The following C1orf21 variants were observed in gnomAD, a reference collection of about 807,000 sequenced individuals.
C1orf21 encodes chromosome 1 open reading frame 21, also known as uncharacterized protein C1orf21.
In C1orf21, 3 loss-of-function variants were observed where a neutral mutation model predicts 18.7. The ratio of observed to expected loss-of-function variants is 0.16; its 90% CI spans 0.07 to 0.42. The LOEUF (loss-of-function observed/expected upper bound fraction) is 0.42. C1orf21 is among the 10% of genes least tolerant of loss of function. The pLI is 0.99. For synonymous variants in C1orf21, 41 were observed against 46.4 expected (o/e 0.88, Z 0.47); for missense variants, 104 against 143.6 (o/e 0.72, Z 1.41).
chr1:184,525,127 GA>G (rs941080998), intron 3 of C1orf21, among the ~76,000 whole-genome samples: 26 of 146,530 alleles, frequency 1.8e-4, no homozygotes, highest in Admixed American at 5.4e-4. Context: ...GGGATAAACA[GA>G]AAAAAAAAAC....
At chr1:184,405,733 C>T (rs1478533531) in intron 1 of C1orf21, among the ~76,000 whole-genome samples, 1 of 152,154 alleles carries the variant, frequency 6.6e-6, no homozygotes, top group Non-Finnish European at 1.5e-5. Context: ...TCTGTCTATT[C>T]CTCTTTAGAT....
chr1:184,427,143 A>G (rs1016045450), intron 1 of C1orf21, among the ~76,000 whole-genome samples: 26 of 152,168 alleles, frequency 1.7e-4, no homozygotes, highest in African/African-American at 6.0e-4. Flanking sequence ...CCCTAAGTGG[A>G]CCAGACTTCC....
chr1:184,598,533 A>G, intron 5 of C1orf21, 72 bp downstream of exon 5: 1 of 1,368,236 alleles, frequency 7.3e-7, no homozygotes, highest in Non-Finnish European at 1.0e-6. Context: ...GAGGGCAATA[A>G]CATTCTTGTT....
intron 1 of C1orf21, among the ~76,000 whole-genome samples, chr1:184,408,800 G>C (rs1288890073): frequency 6.6e-6 from 1 of 152,152 alleles, no homozygotes; most frequent in Non-Finnish European, 1.5e-5. Flanking sequence ...CCTTTGAAGA[G>C]GCAGTTGTGA....
chr1:184,586,815 T>C (rs188904328), intron 3 of C1orf21, among the ~76,000 whole-genome samples: 1 of 152,312 alleles, frequency 6.6e-6, no homozygotes, highest in East Asian at 1.9e-4. Context: ...TTTTTGCTCT[T>C]GTTGCAGTTG....
chr1:184,387,582 A>G lies in C1orf21; in HGVS notation c.-125+214A>G, dbSNP rs1338596852. On this transcript the variant is annotated intron_variant, in intron 1 of 5. Transcript: ENST00000235307. This position sits in a 1 kb window ranked among gnomAD's most constrained non-coding sequence, Gnocchi z 5.6. ...GGGGCTGGCGGGGTTGCTGCCAGGG[A>G]CGGAAGCTGGGGTGGGGGAGCCGCG... is the stretch of plus-strand genomic sequence containing the variant. Among the ~76,000 whole-genome samples, 2 of 150,170 alleles carry G rather than the reference A, an allele frequency of 1.3e-5. No homozygotes were observed. Among genetic ancestry groups the G allele is most frequent in the Admixed American group, 6.6e-5 (1 of 15,134 alleles).
chr1:184,513,223 A>G (rs576108145), intron 3 of C1orf21, among the ~76,000 whole-genome samples: 2 of 152,336 alleles, frequency 1.3e-5, no homozygotes, highest in East Asian at 3.9e-4. Context: ...AACCTAAGCA[A>G]AGGGAGGGAA....
chr1:184,517,562 A>AT (rs1658249108), intron 3 of C1orf21, among the ~76,000 whole-genome samples: 1 of 152,188 alleles, frequency 6.6e-6, no homozygotes. Flanking sequence ...AATAGGCAAA[A>AT]TGTCAAGCTA....
chr1:184,475,154 A>G (rs923388928), intron 1 of C1orf21, among the ~76,000 whole-genome samples: 4 of 152,134 alleles, frequency 2.6e-5, no homozygotes, highest in Non-Finnish European at 5.9e-5. Context: ...ATGTTTCTTC[A>G]AAAACTATGA....
At chr1:184,591,159 C>G (rs957631620) in intron 4 of C1orf21, among the ~76,000 whole-genome samples, 3 of 152,032 alleles carry the variant, frequency 2.0e-5, no homozygotes, top group Non-Finnish European at 2.9e-5. Context: ...GGAACCAATC[C>G]CCCACAGATA....
At chr1:184,477,716 T>G in intron 2 of C1orf21, 113 bp downstream of exon 2, 1 of 778,494 alleles carries the variant, frequency 1.3e-6, no homozygotes, top group Non-Finnish European at 2.1e-6. Context: ...TTTTGTTACA[T>G]GCCTAGAATG....
At chr1:184,609,838 C>A (rs1273851985) in intron 5 of C1orf21, among the ~76,000 whole-genome samples, 1 of 152,174 alleles carries the variant, frequency 6.6e-6, no homozygotes, top group Non-Finnish European at 1.5e-5. Flanking sequence ...AAATGTCATG[C>A]ATATGGACAA....
At chr1:184,585,394 A>C (rs924278768) in intron 3 of C1orf21, among the ~76,000 whole-genome samples, 2 of 152,228 alleles carry the variant, frequency 1.3e-5, no homozygotes, top group Admixed American at 6.5e-5. Flanking sequence ...TGCTGTTTTC[A>C]CTTAAGAATG....
At chr1:184,543,736 T>C (rs1300661108) in intron 3 of C1orf21, among the ~76,000 whole-genome samples, 4 of 152,210 alleles carry the variant, frequency 2.6e-5, no homozygotes, top group Non-Finnish European at 5.9e-5. Context: ...ACATTTGTCT[T>C]CATTATTATG....
At chr1:184,444,664 C>G (rs1488057919) in intron 1 of C1orf21, among the ~76,000 whole-genome samples, 1 of 152,080 alleles carries the variant, frequency 6.6e-6, no homozygotes, top group Non-Finnish European at 1.5e-5. Flanking sequence ...TTAATTTGGA[C>G]CTACTTCCTT....
chr1:184,430,845 G>A (rs1452827883), intron 1 of C1orf21, among the ~76,000 whole-genome samples: 1 of 152,082 alleles, frequency 6.6e-6, no homozygotes, highest in Non-Finnish European at 1.5e-5. Flanking sequence ...AGCTTGATGG[G>A]GATAGCATTG....
intron 3 of C1orf21, among the ~76,000 whole-genome samples, chr1:184,556,183 G>C (rs1332546960): frequency 6.6e-6 from 1 of 152,154 alleles, no homozygotes; most frequent in Non-Finnish European, 1.5e-5. Context: ...GGCCAAATAA[G>C]CTGATGCAGG....
intron 1 of C1orf21, among the ~76,000 whole-genome samples, chr1:184,424,146 CTCT>C (rs1312941476): frequency 1.3e-5 from 2 of 152,120 alleles, no homozygotes; most frequent in Non-Finnish European, 2.9e-5. Context: ...CACTGACATT[CTCT>C]TTTTTTGTGA....
intron 3 of C1orf21, among the ~76,000 whole-genome samples, chr1:184,530,229 C>T (rs779600119): frequency 2.0e-5 from 3 of 152,068 alleles, no homozygotes; most frequent in Non-Finnish European, 4.4e-5. Flanking sequence ...AGTTAAGAGC[C>T]GGACTAAATC....
Sources: gnomAD v4.1 joint callset for allele counts (sites outside exome capture counted in the v4.1 genomes callset) on GRCh38, gnomAD v4.1.1 for gene constraint, Gnocchi (gnomAD v3.1) non-coding constraint, MANE v1.5 for transcripts, NCBI Gene and HGNC (gene_info 2026-07-23, HGNC 2026-07-21) for gene names.